WWOX: variants seen among roughly 807,000 people sequenced by gnomAD.
WWOX encodes WW domain containing oxidoreductase.
In WWOX, 69 loss-of-function variants were observed where a neutral mutation model predicts 46.2. The observed-to-expected ratio is 1.49, with a 90% CI of 1.23 to 1.82. The LOEUF (loss-of-function observed/expected upper bound fraction) is 1.82. WWOX is among the 40% of genes most tolerant of loss of function. WWOX has a pLI of 0.00. For synonymous variants in WWOX, 359 were observed against 202.6 expected, an observed-to-expected ratio of 1.77 and a Z score of -6.56; for missense variants, 919 against 542.6, an observed-to-expected ratio of 1.69 and a Z score of -6.89.
At chr16:79,080,538 C>T (rs956096370) in intron 8 of WWOX, among the ~76,000 whole-genome samples, 1 of 152,168 alleles carries the variant, frequency 6.6e-6, no homozygotes, top group Non-Finnish European at 1.5e-5. Flanking sequence ...CACATTATAG[C>T]CACAACCATA....
At chr16:78,172,212 A>G (rs1597304714) in intron 5 of WWOX, among the ~76,000 whole-genome samples, 1 of 152,194 alleles carries the variant, frequency 6.6e-6, no homozygotes, top group East Asian at 1.9e-4. Context: ...GGGTACCTAA[A>G]AAGTACATCC....
chr16:78,641,320 G>A (rs1186706932), intron 8 of WWOX, among the ~76,000 whole-genome samples: 1 of 151,930 alleles, frequency 6.6e-6, no homozygotes, highest in African/African-American at 2.4e-5. Flanking sequence ...GACCCATCCT[G>A]GAGAGAAAAA....
At chr16:78,752,796 A>G (rs2049518835) in intron 8 of WWOX, among the ~76,000 whole-genome samples, 1 of 152,186 alleles carries the variant, frequency 6.6e-6, no homozygotes, top group South Asian at 2.1e-4. Flanking sequence ...AAATTTAATC[A>G]CATAATTACT....
intron 8 of WWOX, among the ~76,000 whole-genome samples, chr16:78,761,823 C>T (rs1034815992): frequency 1.3e-5 from 2 of 152,136 alleles, no homozygotes; most frequent in Non-Finnish European, 2.9e-5. Context: ...AGAAATCATG[C>T]AGTAAAGCTG....
intron 5 of WWOX, among the ~76,000 whole-genome samples, chr16:78,278,225 A>C (rs1279331535): frequency 6.6e-6 from 1 of 152,186 alleles, no homozygotes; most frequent in East Asian, 1.9e-4. Flanking sequence ...GTATACAGTG[A>C]AATAATATCT....
intron 8 of WWOX, among the ~76,000 whole-genome samples, chr16:79,091,059 A>G (rs2048949936): frequency 6.6e-6 from 1 of 152,092 alleles, no homozygotes; most frequent in Non-Finnish European, 1.5e-5. Context: ...AAGTACTGGG[A>G]TTATAGGCAC....
intron 8 of WWOX, among the ~76,000 whole-genome samples, chr16:79,011,570 C>T (rs749472130): frequency 1.3e-5 from 2 of 151,600 alleles, no homozygotes; most frequent in East Asian, 1.9e-4. Context: ...TGGCTCACCA[C>T]AGCCTCAGCC....
chr16:79,179,957 C>T (rs938240154), intron 8 of WWOX, among the ~76,000 whole-genome samples: 1 of 152,128 alleles, frequency 6.6e-6, no homozygotes, highest in African/African-American at 2.4e-5. Context: ...AGTTTACATA[C>T]AAGACTTAAG....
At chr16:78,530,287 G>C (rs926126518) in intron 8 of WWOX, among the ~76,000 whole-genome samples, 7 of 152,186 alleles carry the variant, frequency 4.6e-5, no homozygotes, top group African/African-American at 1.7e-4. Context: ...CAGCGTGACA[G>C]CCTTTTGCAC....
At chr16:79,166,539 C>T (rs1351083404) in intron 8 of WWOX, among the ~76,000 whole-genome samples, 1 of 152,150 alleles carries the variant, frequency 6.6e-6, no homozygotes, top group Non-Finnish European at 1.5e-5. Flanking sequence ...TTCAACATTT[C>T]CTAACAGCAC....
intron 8 of WWOX, among the ~76,000 whole-genome samples, chr16:78,540,786 A>C (rs2043873615): frequency 6.6e-6 from 1 of 152,168 alleles, no homozygotes; most frequent in African/African-American, 2.4e-5. Context: ...TCATGAGCCC[A>C]AGCGATCTTC....
chr16:78,784,624 T>C (rs2050410351), intron 8 of WWOX, among the ~76,000 whole-genome samples: 1 of 152,178 alleles, frequency 6.6e-6, no homozygotes, highest in Non-Finnish European at 1.5e-5. Flanking sequence ...ATAATAGATA[T>C]AAAGCACTTA....
At chr16:78,561,479 A>T (rs1286330052) in intron 8 of WWOX, among the ~76,000 whole-genome samples, 2 of 152,184 alleles carry the variant, frequency 1.3e-5, no homozygotes, top group African/African-American at 4.8e-5. Context: ...CCTTCATGAC[A>T]GTACCTAGAG....
chr16:78,632,208 G>T (rs2046449045), intron 8 of WWOX, among the ~76,000 whole-genome samples: 1 of 152,116 alleles, frequency 6.6e-6, no homozygotes, highest in Non-Finnish European at 1.5e-5. Context: ...CTGTCTTTCT[G>T]AGCTGTTTTT....
In WWOX at chr16:78,756,953, C is replaced by T. The variant is rs183422261; in HGVS notation, c.1056+324201C>T. On this transcript the variant is annotated intron_variant, in intron 8 of 8. Transcript: ENST00000566780. ...CATTCACTCTAGGAAAAGCCAGCTG[C>T]CATGTTGGGAGGATACTCAAGCATA... 11 of 702,996 alleles carry T rather than the reference C, an allele frequency of 1.6e-5. No homozygotes were observed. The East Asian group carries it at 2.7e-4, about 17-fold the overall frequency. 43.5% of individuals were successfully genotyped at this position (702,996 alleles called of 1,614,324 possible).
At chr16:78,760,429 G>T (rs570906832) in intron 8 of WWOX, among the ~76,000 whole-genome samples, 1 of 152,230 alleles carries the variant, frequency 6.6e-6, no homozygotes, top group African/African-American at 2.4e-5. Flanking sequence ...AATCACACTT[G>T]CATTTGATTT....
At chr16:79,150,118 C>T (rs942980385) in intron 8 of WWOX, among the ~76,000 whole-genome samples, 1 of 152,178 alleles carries the variant, frequency 6.6e-6, no homozygotes, top group African/African-American at 2.4e-5. Context: ...GGCAATGGCT[C>T]TGGTTCACCA....
At chr16:78,228,329 C>T (rs2037136403) in intron 5 of WWOX, among the ~76,000 whole-genome samples, 1 of 142,262 alleles carries the variant, frequency 7.0e-6, no homozygotes, top group Admixed American at 7.7e-5. Flanking sequence ...CAATAGGAAT[C>T]ATATTCTCTC....
chr16:78,894,978 A>T (rs2044670302), intron 8 of WWOX, among the ~76,000 whole-genome samples: 1 of 152,132 alleles, frequency 6.6e-6, no homozygotes, highest in South Asian at 2.1e-4. Flanking sequence ...CTCCACAACT[A>T]GGTGTACAGA....
Sources: allele counts gnomAD v4.1 joint callset (sites outside exome capture counted in the v4.1 genomes callset), GRCh38; gene constraint gnomAD v4.1.1; transcripts MANE v1.5; gene names NCBI Gene and HGNC (gene_info 2026-07-23, HGNC 2026-07-21).